Variants in TBX5 observed in about 807,000 individuals in gnomAD.
TBX5 encodes T-box transcription factor 5, also known as T-box transcription factor TBX5.
TBX5 carries 8 observed loss-of-function variants against 51.1 expected under a neutral mutation model. The observed-to-expected ratio is 0.16, with a 90% CI of 0.09 to 0.28. The LOEUF is 0.28. Among genes scored for constraint, TBX5 ranks in the 10% least tolerant of loss-of-function variants. TBX5 has a pLI of 1.00. For missense variants in TBX5, 589 were observed against 671.7 expected, an observed-to-expected ratio of 0.88 and a Z score of 1.36; for synonymous variants, 302 against 266.4, an observed-to-expected ratio of 1.13 and a Z score of -1.30.
chr12:114,387,833 T>C (rs1354200911), intron 6 of TBX5, among the ~76,000 whole-genome samples: 1 of 152,180 alleles, frequency 6.6e-6, no homozygotes, highest in African/African-American at 2.4e-5. Flanking sequence ...CTCTAAAAAA[T>C]GAAGCCTTTT....
chr12:114,358,342 GT>G (rs1869032407), intron 8 of TBX5, among the ~76,000 whole-genome samples: 1 of 152,214 alleles, frequency 6.6e-6, no homozygotes, highest in Non-Finnish European at 1.5e-5. Context: ...CTGACACTCT[GT>G]GACTGAGAGG....
At chr12:114,392,309 T>C (rs1413026354) in intron 6 of TBX5, among the ~76,000 whole-genome samples, 1 of 152,136 alleles carries the variant, frequency 6.6e-6, no homozygotes, top group African/African-American at 2.4e-5. Context: ...GTGTTGGGCA[T>C]ATTCACAAAT....
chr12:114,390,608 A>C (rs1871099610), intron 6 of TBX5, among the ~76,000 whole-genome samples: 1 of 152,242 alleles, frequency 6.6e-6, no homozygotes, highest in Non-Finnish European at 1.5e-5. Flanking sequence ...TTAAGGGTTC[A>C]TTTCCTGGTC....
chr12:114,406,327 A>G (rs181078973), upstream of TBX5, among the ~76,000 whole-genome samples: 1 of 150,664 alleles, frequency 6.6e-6, no homozygotes, highest in African/African-American at 2.4e-5. Context: ...CCCTTTCCCA[A>G]CCTCCATCCA....
In TBX5 at chr12:114,354,594, TAATC is replaced by T. The variant is rs1480457108; in HGVS notation, c.*934_*937del. ...TTGTTTTTTTCAAAAAAAATTTTTTTAATCAGGAAGAATATTTATTTTGGCTTTT... is the reference window on the plus strand; with the variant it reads ...TTGTTTTTTTCAAAAAAAATTTTTTTAGGAAGAATATTTATTTTGGCTTTT... On this transcript the variant is annotated 3_prime_UTR_variant, in exon 9 of 9. Coordinates refer to ENST00000405440, the MANE Select transcript of TBX5 (RefSeq NM_181486.4). 1.3e-5 allele frequency: 2 copies of T among 152,580 alleles called. No individual in the cohort carries two copies. Among genetic ancestry groups the T allele is most frequent in the Non-Finnish European group, 2.9e-5 (2 of 68,040 alleles). 9.5% of individuals were successfully genotyped at this position (152,580 alleles called of 1,614,324 possible). A position where few individuals can be genotyped will look rare whatever the true frequency, so the allele number is the denominator to read the frequency against.
intron 3 of TBX5, 40 bp downstream of exon 3, chr12:114,401,786 T>C (rs1469866097): frequency 1.3e-6 from 2 of 1,597,502 alleles, no homozygotes; most frequent in Admixed American, 1.7e-5. Context: ...TCTCCCACAA[T>C]TTCTCCTCGT....
At chr12:114,373,967 G>A (rs1284305034) in intron 7 of TBX5, among the ~76,000 whole-genome samples, 1 of 152,214 alleles carries the variant, frequency 6.6e-6, no homozygotes, top group Non-Finnish European at 1.5e-5. Context: ...TCTGGAAGCT[G>A]GAATGCTACA....
intron 6 of TBX5, among the ~76,000 whole-genome samples, chr12:114,390,097 T>C (rs1020637625): frequency 6.6e-6 from 1 of 152,226 alleles, no homozygotes; most frequent in Non-Finnish European, 1.5e-5. Flanking sequence ...AAAAATATGA[T>C]TGCACAGGAT....
chr12:114,398,649 C>G lies in TBX5; in HGVS notation c.434G>C (p.Gly145Ala). 2 of 1,613,406 alleles carry G rather than the reference C, an allele frequency of 1.2e-6. No homozygotes were observed. The highest frequency in any genetic ancestry group is 8.5e-7 in the Non-Finnish European group (1 of 1,179,798). The change falls in exon 5 of 9, where the codon GGG (glycine) becomes GCG (alanine). Residue 145 changes from glycine to alanine, a missense_variant. Around this residue, in one of 7 missense-constraint regions of TBX5, gnomAD observed 85 missense variants for 95.6 expected, o/e 0.89. Transcript: ENST00000405440. ...GACGAGCTGCCTCATCCAATGCGCC[C>G]CGGTGGCGGGGGAGTCTGGGTGCAC... is the stretch of plus-strand genomic sequence containing the variant. ...LYVHPDSPAT[G>A]AHWMRQLVSF...
intron 3 of TBX5, 93 bp from the exon 4 acceptor site, chr12:114,399,725 C>G (rs1871680037): frequency 6.3e-7 from 1 of 1,593,778 alleles, no homozygotes; most frequent in African/African-American, 1.3e-5. Context: ...AAAGCAATTC[C>G]TGGAGAAACG....
At chr12:114,359,395 A>G (rs931802549) in intron 8 of TBX5, among the ~76,000 whole-genome samples, 4 of 152,114 alleles carry the variant, frequency 2.6e-5, no homozygotes, top group African/African-American at 9.7e-5. Flanking sequence ...GAGCCCAATA[A>G]CTGTTCAACA....
intron 7 of TBX5, among the ~76,000 whole-genome samples, chr12:114,367,315 G>T (rs1869601202): frequency 6.6e-6 from 1 of 151,574 alleles, no homozygotes; most frequent in African/African-American, 2.4e-5. Context: ...TCCCAATTCA[G>T]GCCCCATCCC....
At chr12:114,406,862 T>C (rs1872264477), upstream of TBX5, among the ~76,000 whole-genome samples, 1 of 151,722 alleles carries the variant, frequency 6.6e-6, no homozygotes, top group Admixed American at 6.6e-5. Context: ...TTTTTTTTTT[T>C]AGGGTGAGTT....
At chr12:114,384,681 G>A (rs1870696425) in intron 7 of TBX5, among the ~76,000 whole-genome samples, 1 of 148,236 alleles carries the variant, frequency 6.7e-6, no homozygotes, top group African/African-American at 2.5e-5. Flanking sequence ...ATTTTATTTT[G>A]AAACACTAAA....
chr12:114,407,719 A>G (rs1872316556), upstream of TBX5: 1 of 966,356 alleles, frequency 1.0e-6, no homozygotes, highest in Non-Finnish European at 1.2e-6. Flanking sequence ...CAGCAAGAGA[A>G]GATTCAGCAA....
chr12:114,376,525 TGTTATTCAAGAGGCA>T (rs1565931679), intron 7 of TBX5, among the ~76,000 whole-genome samples: 2 of 152,184 alleles, frequency 1.3e-5, no homozygotes, highest in Admixed American at 6.5e-5. Context: ...CAAAGGCATT[TGTTATTCAAGAGGCA>T]GTTATTCAAG....
At chr12:114,408,349 A>T, upstream of TBX5, 1 of 402,234 alleles carries the variant, frequency 2.5e-6, no homozygotes, top group Non-Finnish European at 3.4e-6. Context: ...AGAGGAGGGA[A>T]CTCTTCACGA....
upstream of TBX5, chr12:114,407,782 T>C: frequency 2.0e-5 from 20 of 985,388 alleles, no homozygotes; most frequent in Non-Finnish European, 2.4e-5. Flanking sequence ...AGAAACCTAT[T>C]TCCCCCCTCA....
At chr12:114,378,272 A>G (rs1472631814) in intron 7 of TBX5, among the ~76,000 whole-genome samples, 1 of 152,106 alleles carries the variant, frequency 6.6e-6, no homozygotes, top group Non-Finnish European at 1.5e-5. Context: ...GAGATGAAGG[A>G]CTTTGCTATT....
Sources: gnomAD v4.1 joint callset for allele counts (sites outside exome capture counted in the v4.1 genomes callset) on GRCh38, gnomAD v4.1.1 for gene constraint, gnomAD v4.1.1 regional missense constraint, MANE v1.5 for transcripts, NCBI Gene and HGNC (gene_info 2026-07-23, HGNC 2026-07-21) for gene names.